The following ITSN1 variants were observed in gnomAD, a reference collection of about 807,000 sequenced individuals.
The protein encoded by ITSN1 is intersectin 1, also known as intersectin-1.
A neutral mutation model predicts 239.8 loss-of-function variants in ITSN1; 58 were observed. That is an observed-to-expected ratio of 0.24 (90% CI 0.20 to 0.30). ITSN1 has a LOEUF of 0.30. ITSN1 is among the 10% of genes least tolerant of loss of function. The pLI is 1.00. For synonymous variants in ITSN1, 780 were observed against 770.8 expected, an observed-to-expected ratio of 1.01 and a Z score of -0.20; for missense variants, 1,558 against 2,103.3, an observed-to-expected ratio of 0.74 and a Z score of 5.07.
chr21:33,693,963 C>T (rs932816847), intron 1 of ITSN1, among the ~76,000 whole-genome samples: 3 of 152,202 alleles, frequency 2.0e-5, no homozygotes, highest in African/African-American at 4.8e-5. Flanking sequence ...ACACAATGGA[C>T]AAATACCTCA....
intron 4 of ITSN1, among the ~76,000 whole-genome samples, chr21:33,730,160 A>G (rs2066083495): frequency 6.6e-6 from 1 of 151,998 alleles, no homozygotes; most frequent in Non-Finnish European, 1.5e-5. Context: ...ATAACAGATT[A>G]AAAAGGTTCT....
At chr21:33,728,387 T>C (rs1344883529) in intron 4 of ITSN1, among the ~76,000 whole-genome samples, 4 of 151,916 alleles carry the variant, frequency 2.6e-5, no homozygotes, top group African/African-American at 9.7e-5. Context: ...CGCGCGCCAC[T>C]ATGCCCAGCT....
At chr21:33,845,420 C>T (rs2074961324) in intron 29 of ITSN1, among the ~76,000 whole-genome samples, 1 of 152,228 alleles carries the variant, frequency 6.6e-6, no homozygotes, top group South Asian at 2.1e-4. Context: ...TTCCAGCTTC[C>T]CCCACGCTGC....
At chr21:33,707,346 G>T (rs926744132) in intron 1 of ITSN1, among the ~76,000 whole-genome samples, 1 of 151,938 alleles carries the variant, frequency 6.6e-6, no homozygotes, top group African/African-American at 2.4e-5. Context: ...GGCTAGTCTT[G>T]AACTCCTGGC....
At chr21:33,680,333 T>C (rs1480011750) in intron 1 of ITSN1, among the ~76,000 whole-genome samples, 2 of 151,578 alleles carry the variant, frequency 1.3e-5, no homozygotes, top group African/African-American at 4.8e-5. Context: ...CTTTTCTTTT[T>C]TCTTTTTTTT....
At chr21:33,867,183 C>A in intron 32 of ITSN1, 50 bp from the exon 33 acceptor site, 1 of 1,064,754 alleles carries the variant, frequency 9.4e-7, no homozygotes, top group Non-Finnish European at 1.5e-6. Flanking sequence ...ATGTCACTAA[C>A]TTTGGATTTT....
chr21:33,662,865 A>G (rs538218113), intron 1 of ITSN1, among the ~76,000 whole-genome samples: 12 of 152,294 alleles, frequency 7.9e-5, no homozygotes, highest in South Asian at 4.1e-4. Flanking sequence ...GTTTTTCACA[A>G]TTTTGTGAAC....
intron 1 of ITSN1, among the ~76,000 whole-genome samples, chr21:33,671,170 C>T (rs1050874883): frequency 6.6e-6 from 1 of 152,166 alleles, no homozygotes; most frequent in African/African-American, 2.4e-5. Flanking sequence ...TGGTGCCTCC[C>T]AGCGAATGAG....
chr21:33,826,939 A>G, intron 26 of ITSN1, 76 bp downstream of exon 26: 1 of 1,163,364 alleles, frequency 8.6e-7, no homozygotes. Context: ...TTTGTGTATT[A>G]GGGCCAGAAG....
chr21:33,653,837 T>C (rs2088785062), intron 1 of ITSN1, among the ~76,000 whole-genome samples: 1 of 152,110 alleles, frequency 6.6e-6, no homozygotes, highest in South Asian at 2.1e-4. Flanking sequence ...CTTTCTTTTT[T>C]TTGAGATGAT....
Position 33,767,803 on chromosome 21 carries a change from A to G in ITSN1, c.1017A>G (p.Gln339=). ...AGGAACCAGTTTTAGAAGATGAACA[A>G]CAACAATTAGAAAAGAAATTACCTG... The part of the protein sequence containing the change: ...LPEEPVLEDE[Q]QQLEKKLPVT... The change falls in exon 11 of 40, where the codon CAA becomes CAG. Residue 339 remains glutamine, a synonymous_variant. Coordinates refer to ENST00000381318, the MANE Select transcript of ITSN1 (RefSeq NM_003024.3). The G allele has an allele frequency of 6.2e-7, 1 of 1,607,378 alleles. No homozygotes were observed. Among genetic ancestry groups the G allele is most frequent in the Non-Finnish European group, 8.5e-7 (1 of 1,174,076 alleles).
chr21:33,767,206 A>G (rs1020748111), intron 10 of ITSN1, among the ~76,000 whole-genome samples: 2 of 152,064 alleles, frequency 1.3e-5, no homozygotes, highest in African/African-American at 4.8e-5. Context: ...AAATAAATAA[A>G]TAAATAAAAG....
At chr21:33,696,213 T>C (rs2091786819) in intron 1 of ITSN1, among the ~76,000 whole-genome samples, 1 of 152,210 alleles carries the variant, frequency 6.6e-6, no homozygotes, top group Non-Finnish European at 1.5e-5. Context: ...TCCCATTCTT[T>C]ACACATTGGT....
chr21:33,785,640 G>A (rs1373107050), intron 16 of ITSN1, among the ~76,000 whole-genome samples: 1 of 152,114 alleles, frequency 6.6e-6, no homozygotes, highest in Non-Finnish European at 1.5e-5. Context: ...AGAGGAAAAA[G>A]TTACAGGTTA....
intron 25 of ITSN1, among the ~76,000 whole-genome samples, chr21:33,825,402 G>T (rs958726819): frequency 2.0e-5 from 3 of 152,092 alleles, no homozygotes; most frequent in African/African-American, 7.2e-5. Flanking sequence ...CAAAATATCC[G>T]ACCCAACCTA....
Position 33,882,731 on chromosome 21 carries a change from CGAA to C in ITSN1, c.4554+278_4554+280del, listed in dbSNP as rs1265173159. On this transcript the variant is annotated intron_variant, in intron 35 of 39. Coordinates refer to ENST00000381318, the MANE Select transcript of ITSN1 (RefSeq NM_003024.3). The surrounding 1 kb of genome is among the most constrained non-coding windows in gnomAD (Gnocchi z 4.5). ...AGAGGCATGCTTTAGCCTGTAGGAG[CGAA>C]GTCTAGGGTACAGATGAGGCAGGTG... Among the ~76,000 whole-genome samples, 1 of 152,038 alleles carries C rather than the reference CGAA, an allele frequency of 6.6e-6. No individual in the cohort carries two copies. The highest frequency in any genetic ancestry group is 1.5e-5 in the Non-Finnish European group (1 of 68,024).
intron 1 of ITSN1, among the ~76,000 whole-genome samples, chr21:33,708,375 T>C (rs2092314046): frequency 6.6e-6 from 1 of 152,056 alleles, no homozygotes; most frequent in Admixed American, 6.6e-5. Context: ...TGAAGCCCAG[T>C]TTACTAATTT....
chr21:33,883,894 GTTT>G (rs34448559), intron 36 of ITSN1, among the ~76,000 whole-genome samples: 4 of 109,772 alleles, frequency 3.6e-5, no homozygotes, highest in African/African-American at 1.1e-4. Context: ...TTTTGCTTGA[GTTT>G]TTTTTTTTTT....
At chr21:33,815,957 A>T (rs568602012) in intron 22 of ITSN1, among the ~76,000 whole-genome samples, 1 of 152,188 alleles carries the variant, frequency 6.6e-6, no homozygotes, top group Non-Finnish European at 1.5e-5. Flanking sequence ...GGAGGCAGGC[A>T]GGTCACCTGA....
Sources: gnomAD v4.1 joint callset for allele counts (sites outside exome capture counted in the v4.1 genomes callset) on GRCh38, gnomAD v4.1.1 for gene constraint, Gnocchi (gnomAD v3.1) non-coding constraint, MANE v1.5 for transcripts, NCBI Gene and HGNC (gene_info 2026-07-23, HGNC 2026-07-21) for gene names.